ZBTB7C: variants seen among roughly 807,000 people sequenced by gnomAD.
The protein encoded by ZBTB7C is zinc finger and BTB domain-containing protein 7C.
In ZBTB7C, 8 loss-of-function variants were observed where a neutral mutation model predicts 25.7. The ratio of observed to expected loss-of-function variants is 0.31; its 90% CI spans 0.18 to 0.56. ZBTB7C has a LOEUF of 0.56. ZBTB7C is among the 20% of genes least tolerant of loss of function. ZBTB7C has a pLI of 0.91. For synonymous variants in ZBTB7C, 394 were observed against 369.0 expected (o/e 1.07, Z -0.78); for missense variants, 824 against 855.2 (o/e 0.96, Z 0.46).
chr18:48,166,119 T>A (rs894596241), intron 3 of ZBTB7C, among the ~76,000 whole-genome samples: 2 of 152,224 alleles, frequency 1.3e-5, no homozygotes, highest in African/African-American at 4.8e-5. Flanking sequence ...TTAACCATTT[T>A]AAGGCGAAAT....
chr18:48,404,467 T>C (rs752689289), intron 1 of ZBTB7C, among the ~76,000 whole-genome samples: 2 of 152,094 alleles, frequency 1.3e-5, no homozygotes, highest in Non-Finnish European at 2.9e-5. Context: ...ATGCCCACGG[T>C]TGGTTACACA....
intron 2 of ZBTB7C, among the ~76,000 whole-genome samples, chr18:48,293,282 A>G (rs2045287556): frequency 6.6e-6 from 1 of 152,140 alleles, no homozygotes; most frequent in Non-Finnish European, 1.5e-5. Context: ...GCACACAAAG[A>G]GATGTCTCCA....
rs1184867957 is a variant in ZBTB7C, at chr18:48,274,252, G to A, written c.-79+63922C>T. On this transcript the variant is annotated intron_variant, in intron 2 of 4. Transcript: ENST00000590800. The stretch of plus-strand genomic sequence containing the variant: ...TAGGTCTTCGGTATAAATGTAGACA[G>A]CTGCTTCCCATCTTCCAAACAGTTG... Among the ~76,000 whole-genome samples the A allele has an allele frequency of 2.6e-5, 4 of 152,214 alleles. No individual in the cohort carries two copies. In the East Asian group the frequency reaches 7.7e-4, roughly 29 times the overall value.
In ZBTB7C at chr18:48,246,928, G is replaced by C. The variant is rs1057500912; in HGVS notation, c.-78-60933C>G. On this transcript the variant is annotated intron_variant, in intron 2 of 4. Transcript: ENST00000590800. Reference sequence around the variant, plus strand: ...CTGAGCGGACCATGAGCACAGATAGGTCATAGAAGAATAGCAGTGTATTCA... The same window carrying C: ...CTGAGCGGACCATGAGCACAGATAGCTCATAGAAGAATAGCAGTGTATTCA... Among the ~76,000 whole-genome samples, 6 of 152,228 alleles carry C rather than the reference G, an allele frequency of 3.9e-5. No homozygotes were observed. The East Asian group carries it at 9.7e-4, about 24-fold the overall frequency.
chr18:48,224,116 A>G (rs896569514), intron 2 of ZBTB7C, among the ~76,000 whole-genome samples: 1 of 152,104 alleles, frequency 6.6e-6, no homozygotes, highest in Non-Finnish European at 1.5e-5. Flanking sequence ...TGTACATAAG[A>G]AAAAAAAGAA....
chr18:48,208,538 G>A (rs2042631758), intron 2 of ZBTB7C, among the ~76,000 whole-genome samples: 1 of 152,198 alleles, frequency 6.6e-6, no homozygotes, highest in African/African-American at 2.4e-5. Context: ...CACAGAGCCT[G>A]GAGTCTCACC....
intron 2 of ZBTB7C, among the ~76,000 whole-genome samples, chr18:48,260,714 G>A (rs924863537): frequency 2.6e-5 from 4 of 152,140 alleles, no homozygotes; most frequent in East Asian, 1.9e-4. Flanking sequence ...TAAAGTTTTC[G>A]AGTTGGCAAA....
chr18:48,380,667 A>G (rs1260787765), intron 1 of ZBTB7C, among the ~76,000 whole-genome samples: 1 of 152,180 alleles, frequency 6.6e-6, no homozygotes, highest in Non-Finnish European at 1.5e-5. Flanking sequence ...GAGTCTAAGG[A>G]GATATGACGA....
rs188337610 is a variant in ZBTB7C, at chr18:48,077,033, G to T, written c.-16-35910C>A. The T allele has an allele frequency of 7.2e-5, 57 of 789,814 alleles. No individual in the cohort carries two copies. In the African/African-American group the frequency reaches 1.1e-3, roughly 16 times the overall value. 48.9% of individuals were successfully genotyped at this position (789,814 alleles called of 1,614,324 possible). ...CAGCAAAGGTCACAGGAAGAGAATAGAAAGAAATGCACAATATGTTGTTAT... is the reference window on the plus strand; with the variant it reads ...CAGCAAAGGTCACAGGAAGAGAATATAAAGAAATGCACAATATGTTGTTAT... On this transcript the variant is annotated intron_variant, in intron 3 of 4. Coordinates refer to ENST00000590800, the MANE Select transcript of ZBTB7C (RefSeq NM_001318841.2).
intron 2 of ZBTB7C, among the ~76,000 whole-genome samples, chr18:48,307,946 A>T (rs1314730274): frequency 1.3e-5 from 2 of 152,232 alleles, no homozygotes. Context: ...AGCCATGCAT[A>T]GACTACATTT....
At chr18:48,030,387 C>T (rs1254352113) in intron 4 of ZBTB7C, among the ~76,000 whole-genome samples, 1 of 152,196 alleles carries the variant, frequency 6.6e-6, no homozygotes, top group Non-Finnish European at 1.5e-5. Context: ...GGTCCCATCC[C>T]AGCCCCCGGG....
intron 2 of ZBTB7C, among the ~76,000 whole-genome samples, chr18:48,224,658 C>A (rs1482223762): frequency 6.6e-6 from 1 of 152,212 alleles, no homozygotes; most frequent in Non-Finnish European, 1.5e-5. Flanking sequence ...TACGTTCAAA[C>A]ACCAACACTA....
chr18:48,305,399 G>A (rs2045649236), intron 2 of ZBTB7C, among the ~76,000 whole-genome samples: 1 of 152,160 alleles, frequency 6.6e-6, no homozygotes, highest in Non-Finnish European at 1.5e-5. Flanking sequence ...CCTGGAGTTG[G>A]GCTTTGCTGC....
intron 2 of ZBTB7C, among the ~76,000 whole-genome samples, chr18:48,202,574 C>T (rs895376518): frequency 5.9e-4 from 90 of 152,170 alleles, no homozygotes; most frequent in African/African-American, 2.2e-3. Context: ...GCAAAGGAAC[C>T]CCACCTCTCC....
intron 1 of ZBTB7C, among the ~76,000 whole-genome samples, chr18:48,370,043 G>A (rs2047349818): frequency 6.6e-6 from 1 of 152,154 alleles, no homozygotes; most frequent in African/African-American, 2.4e-5. Flanking sequence ...TATACAGTGT[G>A]TTCTCAGGCT....
intron 2 of ZBTB7C, among the ~76,000 whole-genome samples, chr18:48,207,662 C>T (rs2042611490): frequency 6.6e-6 from 1 of 151,722 alleles, no homozygotes; most frequent in South Asian, 2.1e-4. Flanking sequence ...CTATGTTGCC[C>T]AGGCTGGTCT....
chr18:48,032,428 T>TG (rs1568159166), intron 4 of ZBTB7C, among the ~76,000 whole-genome samples: 4 of 111,188 alleles, frequency 3.6e-5, no homozygotes, highest in African/African-American at 1.6e-4. Flanking sequence ...GTAGGTTTTT[T>TG]TTTTTTTTTT....
chr18:48,321,988 C>G (rs2046106829), intron 2 of ZBTB7C, among the ~76,000 whole-genome samples: 1 of 152,108 alleles, frequency 6.6e-6, no homozygotes, highest in South Asian at 2.1e-4. Context: ...TCAGGCTGTC[C>G]CTATTATATT....
intron 2 of ZBTB7C, among the ~76,000 whole-genome samples, chr18:48,257,248 G>C (rs1433217294): frequency 6.6e-6 from 1 of 152,024 alleles, no homozygotes; most frequent in African/African-American, 2.4e-5. Context: ...CAGGAATAAA[G>C]AGAAAATTCC....
Sources: allele counts gnomAD v4.1 joint callset (sites outside exome capture counted in the v4.1 genomes callset), GRCh38; gene constraint gnomAD v4.1.1; transcripts MANE v1.5; gene names NCBI Gene and HGNC (gene_info 2026-07-23, HGNC 2026-07-21).